KANK1: variants seen among roughly 807,000 people sequenced by gnomAD.
The protein encoded by KANK1 is KN motif and ankyrin repeat domains 1, also known as KN motif and ankyrin repeat domain-containing protein 1.
A neutral mutation model predicts 106.2 loss-of-function variants in KANK1; 109 were observed. The observed-to-expected ratio is 1.03, with a 90% CI of 0.88 to 1.20. The LOEUF (loss-of-function observed/expected upper bound fraction) is 1.20, where lower values mean the gene tolerates loss of function less well. Ranked by LOEUF, KANK1 falls within the 50% of genes most tolerant of loss-of-function variation. KANK1 has a pLI of 0.00. For synonymous variants in KANK1, 873 were observed against 652.2 expected (o/e 1.34, Z -5.16); for missense variants, 2,399 against 1,710.7 (o/e 1.40, Z -7.10).
chr9:614,595 T>C (rs1021601812), intron 1 of KANK1, among the ~76,000 whole-genome samples: 2 of 151,960 alleles, frequency 1.3e-5, no homozygotes, highest in African/African-American at 4.8e-5. Context: ...TGCGGCAGGG[T>C]ATTCTGCATT....
At chr9:710,736 C>G in intron 2 of KANK1, 68 bp from the exon 3 acceptor site, 1 of 1,422,820 alleles carries the variant, frequency 7.0e-7, no homozygotes, top group African/African-American at 1.4e-5. Context: ...CTGCAACAAA[C>G]ACAAATATTA....
chr9:568,381 T>G (rs1411884389), intron 1 of KANK1, among the ~76,000 whole-genome samples: 1 of 152,190 alleles, frequency 6.6e-6, no homozygotes, highest in African/African-American at 2.4e-5. Flanking sequence ...ATTTAACAAA[T>G]TATTAAGTTT....
intron 1 of KANK1, among the ~76,000 whole-genome samples, chr9:529,962 A>C (rs1387082657): frequency 2.6e-5 from 4 of 152,188 alleles, no homozygotes; most frequent in African/African-American, 7.2e-5. Flanking sequence ...GACATTTCTT[A>C]ATCTTTACCA....
intron 1 of KANK1, among the ~76,000 whole-genome samples, chr9:526,561 A>G (rs1292836649): frequency 6.6e-6 from 1 of 151,716 alleles, no homozygotes; most frequent in Non-Finnish European, 1.5e-5. Flanking sequence ...AAAAAATAAA[A>G]ATTACAAAAA....
chr9:744,994 G>C, intron 11 of KANK1, 179 bp from the exon 12 acceptor site: 1 of 1,496,592 alleles, frequency 6.7e-7, no homozygotes, highest in African/African-American at 1.4e-5. Context: ...ACATAGCACT[G>C]CTGAGCCCAG....
intron 3 of KANK1, among the ~76,000 whole-genome samples, chr9:725,240 C>T (rs1428990127): frequency 6.6e-6 from 1 of 152,100 alleles, no homozygotes. Context: ...GAATCCTTAG[C>T]TGGAAGTCTG....
At chr9:601,005 C>T (rs931092080) in intron 1 of KANK1, among the ~76,000 whole-genome samples, 1 of 151,598 alleles carries the variant, frequency 6.6e-6, no homozygotes, top group African/African-American at 2.4e-5. Flanking sequence ...TTAACTAAAG[C>T]AGAAGGAGGG....
At chr9:697,071 TC>T (rs1821483875) in intron 2 of KANK1, among the ~76,000 whole-genome samples, 1 of 133,986 alleles carries the variant, frequency 7.5e-6, no homozygotes, top group Non-Finnish European at 1.6e-5. Context: ...CCGTATTTGT[TC>T]CATCTGTGTG....
intron 2 of KANK1, among the ~76,000 whole-genome samples, chr9:689,219 G>A (rs1035709586): frequency 6.6e-6 from 1 of 152,190 alleles, no homozygotes; most frequent in Admixed American, 6.5e-5. Context: ...GAAAGCCTAA[G>A]GTGTAGAAAG....
intron 1 of KANK1, among the ~76,000 whole-genome samples, chr9:637,003 C>G (rs1054638849): frequency 1.3e-5 from 2 of 152,206 alleles, no homozygotes; most frequent in Non-Finnish European, 2.9e-5. Flanking sequence ...TTTGTTTATA[C>G]CTTTCAGGAA....
intron 1 of KANK1, among the ~76,000 whole-genome samples, chr9:518,914 G>A (rs1031029279): frequency 4.0e-5 from 6 of 151,002 alleles, no homozygotes; most frequent in Non-Finnish European, 7.4e-5. Context: ...TTTTGAGACA[G>A]AGTTTCGCTC....
At chr9:516,249 G>GC (rs2059272849) in intron 1 of KANK1, among the ~76,000 whole-genome samples, 1 of 151,508 alleles carries the variant, frequency 6.6e-6, no homozygotes, top group Non-Finnish European at 1.5e-5. Flanking sequence ...AGATTTCTCT[G>GC]CCTCCAGAGA....
At chr9:523,136 A>G (rs1442761057) in intron 1 of KANK1, among the ~76,000 whole-genome samples, 1 of 150,636 alleles carries the variant, frequency 6.6e-6, no homozygotes, top group African/African-American at 2.5e-5. Context: ...CTCCAGTTCC[A>G]CTCTGTAAGG....
At chr9:683,342 AACATAAACACATAGGTAGGAGCCTG>A (rs1563981714) in intron 2 of KANK1, among the ~76,000 whole-genome samples, 2 of 152,170 alleles carry the variant, frequency 1.3e-5, no homozygotes, top group Non-Finnish European at 2.9e-5. Context: ...GAGAGGGTAA[AACATAAACACATAGGTAGGAGCCTG>A]ACATAAACAC....
chr9:739,276 A>G (rs1834680886), intron 8 of KANK1, among the ~76,000 whole-genome samples: 1 of 152,224 alleles, frequency 6.6e-6, no homozygotes, highest in Non-Finnish European at 1.5e-5. Context: ...TATTTCTAGT[A>G]TGTGACAGAG....
Position 713,088 on chromosome 9 carries a change from C to G in KANK1, c.2322C>G (p.Leu774=). ...TTAACGACAACTATCTGGTTGGTCT[C>G]AAAATGAGGACTATAGCTTGTGGGC... The part of the protein sequence containing the change: ...ININDNYLVG[L]KMRTIACGPP... Residue 774 remains leucine, a synonymous_variant, in exon 3 of 12, where the codon CTC becomes CTG. Transcript: ENST00000382297. The G allele has an allele frequency of 1.2e-6, 2 of 1,613,188 alleles. No homozygotes were observed. Among genetic ancestry groups the G allele is most frequent in the East Asian group, 2.2e-5 (1 of 44,866 alleles).
intron 3 of KANK1, among the ~76,000 whole-genome samples, chr9:499,190 A>G (rs899251010): frequency 1.3e-5 from 2 of 152,050 alleles, no homozygotes; most frequent in Admixed American, 1.3e-4. Context: ...AAAAAAAAAA[A>G]AAGTTAAACG....
At chr9:634,727 A>G (rs1836656274) in intron 1 of KANK1, among the ~76,000 whole-genome samples, 2 of 152,356 alleles carry the variant, frequency 1.3e-5, no homozygotes, top group African/African-American at 4.8e-5. Context: ...GCCCATGCCC[A>G]GGAATGAACC....
chr9:712,646 C>T lies in KANK1; in HGVS notation c.1880C>T (p.Ser627Phe), dbSNP rs373117346. 6.8e-6 allele frequency: 11 copies of T among 1,614,160 alleles called. No homozygotes were observed. The highest frequency in any genetic ancestry group is 9.3e-6 in the Non-Finnish European group (11 of 1,180,036). ...KTNLNLKEVR[S>F]IGCGDCSVDV... ...AACTTGAATCTCAAAGAAGTGCGGT[C>T]TATCGGTTGTGGAGATTGTTCTGTT... is the stretch of plus-strand genomic sequence containing the variant. The change falls in exon 3 of 12, where the codon TCT (serine) becomes TTT (phenylalanine). Residue 627 changes from serine (S) to phenylalanine (F), a missense_variant. Ser to Phe is a radical substitution (Grantham distance 155). Coordinates refer to ENST00000382297, the MANE Select transcript of KANK1 (RefSeq NM_015158.5).
Sources: allele counts gnomAD v4.1 joint callset (sites outside exome capture counted in the v4.1 genomes callset), GRCh38; gene constraint gnomAD v4.1.1; transcripts MANE v1.5; gene names NCBI Gene and HGNC (gene_info 2026-07-23, HGNC 2026-07-21).